The following DIXDC1 variants were observed in gnomAD, a reference collection of about 807,000 sequenced individuals.
The protein encoded by DIXDC1 is DIX domain containing 1.
Under a neutral mutation model 103.1 loss-of-function variants are expected in DIXDC1, and 64 were observed. That is an observed-to-expected ratio of 0.62 (90% CI 0.51 to 0.76). The LOEUF (loss-of-function observed/expected upper bound fraction) is 0.76. DIXDC1 is among the 30% of genes least tolerant of loss of function. DIXDC1 has a pLI of 0.00. For missense variants in DIXDC1, 759 were observed against 834.2 expected (o/e 0.91, Z 1.11); for synonymous variants, 266 against 298.5 (o/e 0.89, Z 1.12).
At chr11:111,943,487 CTTTTTTTTTTTTTT>C (rs1161024928) in intron 1 of DIXDC1, among the ~76,000 whole-genome samples, 1,487 of 113,484 alleles carry the variant, frequency 0.013, 56 homozygotes, top group African/African-American at 0.05. Context: ...TTCTTTCTCT[CTTTTTTTTTTTTTT>C]TTTTTTTTTG....
At chr11:111,957,878 C>G (rs948047110) in intron 1 of DIXDC1, among the ~76,000 whole-genome samples, 1 of 152,352 alleles carries the variant, frequency 6.6e-6, no homozygotes, top group East Asian at 1.9e-4. Context: ...GGCAGTCCAT[C>G]TGGAGCAGCT....
rs1566523720 is a variant in DIXDC1 at position 111,980,858 on chromosome 11, TCTACGC to T, written c.769+12_769+17del. 12 of 1,608,982 alleles carry T rather than the reference TCTACGC, an allele frequency of 7.5e-6. No homozygotes were observed. Among genetic ancestry groups the T allele is most frequent in the Non-Finnish European group, 1.0e-5 (12 of 1,175,644 alleles). On this transcript the variant is annotated intron_variant, in intron 6 of 19. Coordinates refer to ENST00000440460, the MANE Select transcript of DIXDC1 (RefSeq NM_001037954.4). The stretch of plus-strand genomic sequence containing the variant: ...AATAGAGAACAGAACAGGTACTATC[TCTACGC>T]CTGCCTGGGCTGGTTCAAGGAACAG...
upstream of DIXDC1, among the ~76,000 whole-genome samples, chr11:111,936,093 G>T (rs140331948): frequency 3.3e-5 from 5 of 152,322 alleles, no homozygotes; most frequent in East Asian, 9.7e-4. Context: ...GATTTGAGGA[G>T]GAATCTGGGT....
chr11:111,933,405 G>A (rs907133823), upstream of DIXDC1, among the ~76,000 whole-genome samples: 7 of 152,220 alleles, frequency 4.6e-5, no homozygotes, highest in African/African-American at 1.7e-4. Flanking sequence ...AATATACTGG[G>A]ATTACAGGCG....
chr11:111,928,859 G>A (rs1209163249), intron 1 of DIXDC1, among the ~76,000 whole-genome samples: 1 of 152,038 alleles, frequency 6.6e-6, no homozygotes, highest in Admixed American at 6.6e-5. Flanking sequence ...ATAGTACTTC[G>A]TAAGCTTAAA....
intron 17 of DIXDC1, among the ~76,000 whole-genome samples, chr11:112,001,199 A>C (rs142112426): frequency 0.01 from 1,587 of 152,332 alleles, 24 homozygotes; most frequent in African/African-American, 0.035. Context: ...CAGACACAAA[A>C]GGGCACATAT....
rs1182158289 is a variant in DIXDC1 at position 111,968,544 on chromosome 11, TC to T, written c.225del (p.Gly76ValfsTer6). 2.0e-5 allele frequency: 33 copies of T among 1,613,098 alleles called. No individual in the cohort carries two copies. Among genetic ancestry groups the T allele is most frequent in the Non-Finnish European group, 2.4e-5 (28 of 1,179,572 alleles). On this transcript the variant is annotated frameshift_variant, in exon 3 of 20. Coordinates refer to ENST00000440460, the MANE Select transcript of DIXDC1 (RefSeq NM_001037954.4). LOFTEE classifies it high-confidence loss of function. ...AAAAGCTGAGTGGGGTACAGCTGAG[TC>T]CCGGTAACCAACAGGAGATGAAGAA... is the stretch of plus-strand genomic sequence containing the variant. ...GEKLSGVQLSPGNQQEMKNNV... is the reference protein window; with the variant it reads ...GEKLSGVQLSXGNQQEMKNNV...
chr11:111,966,117 C>G (rs782278112), intron 2 of DIXDC1, among the ~76,000 whole-genome samples: 2 of 151,092 alleles, frequency 1.3e-5, no homozygotes, highest in Non-Finnish European at 2.9e-5. Flanking sequence ...ACTTCCCATT[C>G]TATGTCTATA....
At chr11:111,962,636 C>G (rs868930271) in intron 1 of DIXDC1, among the ~76,000 whole-genome samples, 12 of 152,090 alleles carry the variant, frequency 7.9e-5, no homozygotes, top group Admixed American at 7.9e-4. Flanking sequence ...TAGCACGTGA[C>G]GAGCTTAAAT....
intron 1 of DIXDC1, among the ~76,000 whole-genome samples, chr11:111,950,735 C>T (rs947653578): frequency 1.3e-5 from 2 of 151,898 alleles, no homozygotes; most frequent in African/African-American, 2.4e-5. Context: ...GGATCATAGG[C>T]GTGAGCCACT....
chr11:112,011,403 T>C (rs1330099734), intron 17 of DIXDC1, among the ~76,000 whole-genome samples: 2 of 152,214 alleles, frequency 1.3e-5, no homozygotes, highest in Admixed American at 1.3e-4. Flanking sequence ...TGGCGATTCC[T>C]CAAGGATCTA....
Position 111,968,657 on chromosome 11 carries a change from C to T in DIXDC1, c.316+19C>T, listed in dbSNP as rs782380537. 6.2e-7 allele frequency: 1 copy of T among 1,600,194 alleles called. No homozygotes were observed. The highest frequency in any genetic ancestry group is 2.2e-5 in the East Asian group (1 of 44,494). ...GCTAAAGGTCAGTGCCTCATCACAT[C>T]CTTGGTGCATGAGTATACTTTAACC... On this transcript the variant is annotated intron_variant, in intron 3 of 19. Transcript: ENST00000440460.
rs1304413409 is a variant in DIXDC1 at position 111,974,079 on chromosome 11, C to T, written c.373C>T (p.His125Tyr). The part of the protein sequence containing the change: ...IMRLVLALAA[H>Y]FKPGSSRTVN... ...GAGGCTGGTCCTTGCCTTGGCAGCTCATTTCAAACCTGGCTCCAGCAGGAC... is the reference window on the plus strand; with the variant it reads ...GAGGCTGGTCCTTGCCTTGGCAGCTTATTTCAAACCTGGCTCCAGCAGGAC... The change falls in exon 4 of 20, where the codon CAT (histidine) becomes TAT (tyrosine). Residue 125 changes from histidine (H) to tyrosine (Y), a missense_variant. Physicochemically the swap from His to Tyr is moderately conservative, Grantham distance 83. Around this residue, in one of 3 missense-constraint regions of DIXDC1, gnomAD observed 657 missense variants for 727.5 expected, o/e 0.90. Transcript: ENST00000440460. 1.9e-6 allele frequency: 3 copies of T among 1,613,872 alleles called. No individual in the cohort carries two copies. The highest frequency in any genetic ancestry group is 2.7e-5 in the African/African-American group (2 of 74,922).
chr11:111,934,849 A>G (rs1966144021), upstream of DIXDC1, among the ~76,000 whole-genome samples: 1 of 152,232 alleles, frequency 6.6e-6, no homozygotes, highest in Non-Finnish European at 1.5e-5. Context: ...AACACATCTT[A>G]ATAGTCATAT....
chr11:111,961,578 GT>G (rs1404196553), intron 1 of DIXDC1, among the ~76,000 whole-genome samples: 10 of 152,308 alleles, frequency 6.6e-5, no homozygotes, highest in African/African-American at 2.4e-4. Context: ...ATCCTCTTTT[GT>G]TGGAAGACCA....
At chr11:111,993,411 C>T (rs375336419) in intron 12 of DIXDC1, 85 bp from the exon 13 acceptor site, 2 of 1,461,098 alleles carry the variant, frequency 1.4e-6, no homozygotes, top group Non-Finnish European at 1.9e-6. Context: ...CTCTACTTTA[C>T]TTGAGTGGAA....
intron 6 of DIXDC1, among the ~76,000 whole-genome samples, chr11:111,981,383 G>A (rs1382232219): frequency 6.6e-6 from 1 of 152,206 alleles, no homozygotes; most frequent in African/African-American, 2.4e-5. Context: ...AGAAAAACAT[G>A]CAAGAAGCAA....
intron 1 of DIXDC1, among the ~76,000 whole-genome samples, chr11:111,952,789 C>T (rs1966842111): frequency 6.6e-6 from 1 of 150,930 alleles, no homozygotes; most frequent in Non-Finnish European, 1.5e-5. Context: ...CACTACACTC[C>T]AGCCTGGGTG....
rs1555177845 is a variant in DIXDC1 at position 112,017,152 on chromosome 11, A to G, written c.1862+356A>G. Among the ~76,000 whole-genome samples the G allele has an allele frequency of 6.6e-6, 1 of 151,788 alleles. No individual in the cohort carries two copies. Among genetic ancestry groups the G allele is most frequent in the Non-Finnish European group, 1.5e-5 (1 of 68,004 alleles). On this transcript the variant is annotated intron_variant, in intron 18 of 19. Transcript: ENST00000440460. The surrounding 1 kb of genome is among the most constrained non-coding windows in gnomAD (Gnocchi z 4.0). ...GCAGCCTGGCACTCACTCCAGGACT[A>G]TGACTAATTGATCTTTGTTACTATT... is the stretch of plus-strand genomic sequence containing the variant.
Sources: allele counts gnomAD v4.1 joint callset (sites outside exome capture counted in the v4.1 genomes callset), GRCh38; gene constraint gnomAD v4.1.1; regional missense constraint gnomAD v4.1.1; non-coding constraint Gnocchi (gnomAD v3.1); transcripts MANE v1.5; gene names NCBI Gene and HGNC (gene_info 2026-07-23, HGNC 2026-07-21).